The following COL27A1 variants were observed in gnomAD, a reference collection of about 807,000 sequenced individuals.
COL27A1 encodes the protein collagen alpha-1(XXVII) chain.
A neutral mutation model predicts 251.3 loss-of-function variants in COL27A1; 106 were observed. The ratio of observed to expected loss-of-function variants is 0.42; its 90% CI spans 0.36 to 0.50. COL27A1 has a LOEUF of 0.50. Among genes scored for constraint, COL27A1 ranks in the 20% least tolerant of loss-of-function variants. COL27A1 has a pLI of 0.00. For missense variants in COL27A1, 2,325 were observed against 2,522.8 expected (o/e 0.92, Z 1.68); for synonymous variants, 1,000 against 986.3 (o/e 1.01, Z -0.26).
chr9:114,168,378 G>A lies in COL27A1; in HGVS notation c.823G>A (p.Ala275Thr). The change falls in exon 3 of 61, where the codon GCC becomes ACC. Residue 275 changes from alanine to threonine, a missense_variant. Ala to Thr is a moderately conservative substitution (Grantham distance 58). This residue lies in a region of COL27A1 where 1,183 missense variants were observed against 1,144.1 expected (regional missense o/e 1.03). Transcript: ENST00000356083. Reference protein sequence around the residue: ...ALLGLENLTTATPALGSLPAG... With the variant: ...ALLGLENLTTTTPALGSLPAG... ...GCTAGGCCTGGAGAACTTGACCACT[G>A]CCACACCAGCCCTGGGGTCACTGCC... The A allele has an allele frequency of 6.2e-7, 1 of 1,613,258 alleles. No individual in the cohort carries two copies. The highest frequency in any genetic ancestry group is 8.5e-7 in the Non-Finnish European group (1 of 1,179,950).
At chr9:114,295,256 TGA>T (rs1343715156) in intron 49 of COL27A1, among the ~76,000 whole-genome samples, 16 of 152,214 alleles carry the variant, frequency 1.1e-4, no homozygotes, top group African/African-American at 3.6e-4. Context: ...ATATGTACAC[TGA>T]GAACTATAGA....
rs1397348887 is a variant in COL27A1, at chr9:114,269,315, C to A, written c.3555+21C>A. On this transcript the variant is annotated intron_variant, in intron 35 of 60. Transcript: ENST00000356083. ...AACGGGTAAGTTGAAGCAATTTATT[C>A]TTCCTGAAAGCCCCCAGGGTGTGTG... The A allele has an allele frequency of 8.8e-6, 14 of 1,599,430 alleles. 1 individual carries two copies. The East Asian group carries it at 2.7e-4, about 31-fold the overall frequency.
intron 27 of COL27A1, among the ~76,000 whole-genome samples, chr9:114,257,518 T>A (rs566480963): frequency 6.6e-6 from 1 of 152,164 alleles, no homozygotes; most frequent in East Asian, 1.9e-4. Context: ...CCAGGCCAGG[T>A]GCCGAGAATT....
rs188199606 is a variant in COL27A1, at chr9:114,226,341, G to A, written c.2466+4074G>A. On this transcript the variant is annotated intron_variant, in intron 14 of 60. Transcript: ENST00000356083. ...TGCACCAAACCCTCTTGTGCCCAAC[G>A]CTGTGCCAAGTTTTTAGTTGTCACA... Among the ~76,000 whole-genome samples, 8 of 152,238 alleles carry A rather than the reference G, an allele frequency of 5.3e-5. No individual in the cohort carries two copies. The East Asian group carries it at 1.5e-3, about 29-fold the overall frequency.
intron 3 of COL27A1, among the ~76,000 whole-genome samples, chr9:114,175,898 AC>A (rs1827398486): frequency 6.6e-6 from 1 of 152,066 alleles, no homozygotes; most frequent in East Asian, 1.9e-4. Flanking sequence ...AGAGGAAATT[AC>A]CCCCACCTTG....
intron 10 of COL27A1, among the ~76,000 whole-genome samples, chr9:114,208,652 C>T (rs1017491916): frequency 5.3e-5 from 8 of 151,926 alleles, no homozygotes; most frequent in Admixed American, 2.0e-4. Context: ...AAGCCCCGGG[C>T]GAGGTTACTG....
At chr9:114,201,111 C>G (rs763588377) in intron 7 of COL27A1, among the ~76,000 whole-genome samples, 3 of 152,190 alleles carry the variant, frequency 2.0e-5, no homozygotes, top group Non-Finnish European at 4.4e-5. Context: ...TCATCTGGCT[C>G]CCAAACCAAA....
At chr9:114,193,957 G>A (rs1226938686) in intron 5 of COL27A1, among the ~76,000 whole-genome samples, 1 of 152,148 alleles carries the variant, frequency 6.6e-6, no homozygotes, top group African/African-American at 2.4e-5. Context: ...ACTGAAGAAT[G>A]TTTGTGGTTT....
intron 5 of COL27A1, among the ~76,000 whole-genome samples, chr9:114,189,582 T>C (rs1437125971): frequency 6.6e-6 from 1 of 152,238 alleles, no homozygotes; most frequent in African/African-American, 2.4e-5. Flanking sequence ...TTGTGAAGAA[T>C]TGCCGTCTTT....
At chr9:114,165,351 CCA>C (rs1451898739) in intron 2 of COL27A1, among the ~76,000 whole-genome samples, 9 of 152,102 alleles carry the variant, frequency 5.9e-5, no homozygotes, top group African/African-American at 1.9e-4. Context: ...CATCATCCAT[CCA>C]TCCATCCATC....
At chr9:114,258,107 G>T (rs993486049) in intron 27 of COL27A1, among the ~76,000 whole-genome samples, 1 of 152,168 alleles carries the variant, frequency 6.6e-6, no homozygotes, top group African/African-American at 2.4e-5. Context: ...TGAGGCGGGG[G>T]GATCACTTGA....
chr9:114,156,124 C>G (rs1159224018), intron 1 of COL27A1, 112 bp downstream of exon 1: 1 of 1,271,768 alleles, frequency 7.9e-7, no homozygotes, highest in Non-Finnish European at 1.0e-6. Flanking sequence ...AGCTTCCTGC[C>G]CCTTCCTGCG....
chr9:114,301,851 A>T, intron 55 of COL27A1, 134 bp downstream of exon 55: 1 of 938,798 alleles, frequency 1.1e-6, no homozygotes, highest in Non-Finnish European at 1.6e-6. Flanking sequence ...CTCCTAGGAG[A>T]GTATAGGGCA....
chr9:114,162,654 C>T (rs1476919428), intron 1 of COL27A1, 61 bp from the exon 2 acceptor site: 58 of 1,273,630 alleles, frequency 4.6e-5, no homozygotes, highest in Admixed American at 2.3e-4. Flanking sequence ...CTTCCCCAGC[C>T]GGATCCGGGT....
At chr9:114,233,736 T>C (rs1449975127) in intron 16 of COL27A1, among the ~76,000 whole-genome samples, 1 of 151,792 alleles carries the variant, frequency 6.6e-6, no homozygotes, top group Non-Finnish European at 1.5e-5. Flanking sequence ...CTGATGGGAG[T>C]TGCCTGGGAC....
At chr9:114,157,651 C>T (rs368256423) in intron 1 of COL27A1, among the ~76,000 whole-genome samples, 60 of 152,374 alleles carry the variant, frequency 3.9e-4, no homozygotes, top group Middle Eastern at 3.4e-3. Context: ...GGCTTGGCTA[C>T]GCAGAGTAAC....
chr9:114,208,063 A>AT (rs993712830), intron 10 of COL27A1, among the ~76,000 whole-genome samples: 8 of 152,074 alleles, frequency 5.3e-5, no homozygotes, highest in African/African-American at 1.7e-4. Context: ...GTTCTACCAC[A>AT]TTTCAGCTGT....
intron 34 of COL27A1, chr9:114,268,755 G>A (rs1205422004): frequency 6.5e-6 from 1 of 152,932 alleles, no homozygotes; most frequent in East Asian, 1.9e-4. Flanking sequence ...GGGCAACGTA[G>A]TGAGACCCCA....
At chr9:114,190,458 C>G (rs34671331) in intron 5 of COL27A1, among the ~76,000 whole-genome samples, 2 of 152,058 alleles carry the variant, frequency 1.3e-5, no homozygotes, top group Non-Finnish European at 2.9e-5. Context: ...TTTGTGGAGA[C>G]GGGCTCACTT....
Sources: allele counts gnomAD v4.1 joint callset (sites outside exome capture counted in the v4.1 genomes callset), GRCh38; gene constraint gnomAD v4.1.1; regional missense constraint gnomAD v4.1.1; transcripts MANE v1.5; gene names NCBI Gene and HGNC (gene_info 2026-07-23, HGNC 2026-07-21).